Variants in CCDC158 observed in about 807,000 individuals in gnomAD.
CCDC158 encodes coiled-coil domain containing 158.
Under a neutral mutation model 138.6 loss-of-function variants are expected in CCDC158, and 116 were observed. That is an observed-to-expected ratio of 0.84 (90% confidence interval 0.72 to 0.98). The LOEUF is 0.98. CCDC158 is among the 50% of genes least tolerant of loss of function. The pLI is 0.00. For synonymous variants in CCDC158, 436 were observed against 442.4 expected (o/e 0.99, Z 0.18); for missense variants, 1,265 against 1,306.1 (o/e 0.97, Z 0.48).
chr4:76,398,411 A>G (rs554060608), intron 3 of CCDC158, among the ~76,000 whole-genome samples: 210 of 152,330 alleles, frequency 1.4e-3, no homozygotes, highest in African/African-American at 4.8e-3. Flanking sequence ...TCATGGCTGT[A>G]ATCCTAGCAC....
At chr4:76,413,375 C>T (rs565667143) in intron 1 of CCDC158, among the ~76,000 whole-genome samples, 8 of 148,768 alleles carry the variant, frequency 5.4e-5, no homozygotes, top group South Asian at 2.1e-4. Flanking sequence ...CTCAGGAGGC[C>T]GAGGTGGGAG....
At chr4:76,392,575 G>T (rs1475390314) in intron 4 of CCDC158, among the ~76,000 whole-genome samples, 2 of 151,942 alleles carry the variant, frequency 1.3e-5, no homozygotes, top group African/African-American at 2.4e-5. Flanking sequence ...GTAAGATCTG[G>T]AACATGACAA....
chr4:76,360,547 C>T (rs746090078), intron 13 of CCDC158, among the ~76,000 whole-genome samples: 1 of 152,202 alleles, frequency 6.6e-6, no homozygotes, highest in African/African-American at 2.4e-5. Flanking sequence ...GAAGCCCACC[C>T]CTTACATCAG....
chr4:76,362,186 CTT>C lies in CCDC158; in HGVS notation c.1958_1959del (p.Gln653ArgfsTer8), dbSNP rs763976793. On this transcript the variant is annotated frameshift_variant, in exon 13 of 25. Coordinates refer to ENST00000682701, the MANE Select transcript of CCDC158 (RefSeq NM_001394954.1). LOFTEE classifies it high-confidence loss of function. Reference protein sequence around the residue: ...ERLRAVKDIKQERDQLLNEVK... With the variant: ...ERLRAVKDIKXERDQLLNEVK... ...ACCTCATTTAATAATTGATCTCTCT[CTT>C]GTTTGATGTCCTTCACTGCACGGAG... 40 of 1,614,018 alleles carry C rather than the reference CTT, an allele frequency of 2.5e-5. No individual in the cohort carries two copies. The highest frequency in any genetic ancestry group is 3.2e-5 in the Non-Finnish European group (38 of 1,180,018).
At chr4:76,354,233 CAAAAAAA>C (rs749565764) in intron 15 of CCDC158, among the ~76,000 whole-genome samples, 3 of 63,922 alleles carry the variant, frequency 4.7e-5, no homozygotes, top group African/African-American at 1.2e-4. Flanking sequence ...TTCCCAAAGG[CAAAAAAA>C]AAAAAAAAAA....
At chr4:76,371,650 T>A in intron 9 of CCDC158, 114 bp from the exon 10 acceptor site, 3 of 1,311,810 alleles carry the variant, frequency 2.3e-6, no homozygotes, top group Non-Finnish European at 3.1e-6. Context: ...TAAAAGTTCG[T>A]TGTGAGGCTG....
chr4:76,379,455 G>C, intron 8 of CCDC158, 51 bp from the exon 9 acceptor site: 6 of 1,057,732 alleles, frequency 5.7e-6, no homozygotes, highest in Non-Finnish European at 8.3e-6. Context: ...CTAAGAATAA[G>C]AGTAACACCT....
chr4:76,364,199 A>G (rs1724428712), intron 12 of CCDC158, among the ~76,000 whole-genome samples: 1 of 152,176 alleles, frequency 6.6e-6, no homozygotes, highest in African/African-American at 2.4e-5. Context: ...CAAAGTCACC[A>G]TGTCTTTCCC....
At position 76,384,316 on chromosome 4, in the gene CCDC158, T is replaced by C. The variant is rs1279972272; in HGVS notation, c.498A>G (p.Lys166=). The change falls in exon 6 of 25, where the codon AAA becomes AAG. Residue 166 remains lysine, a synonymous_variant. Coordinates refer to ENST00000682701, the MANE Select transcript of CCDC158 (RefSeq NM_001394954.1). ...AAKCLKEDML[K]DSNTQIEQLR... ...GTTGCTCTATCTGTGTGTTGCTGTCTTTCAGCATGTCCTCTTTAAGGCATT... is the reference window on the plus strand; with the variant it reads ...GTTGCTCTATCTGTGTGTTGCTGTCCTTCAGCATGTCCTCTTTAAGGCATT... 1.9e-6 allele frequency: 3 copies of C among 1,614,018 alleles called. No individual in the cohort carries two copies. The highest frequency in any genetic ancestry group is 1.3e-5 in the African/African-American group (1 of 74,928).
At position 76,369,587 on chromosome 4, in the gene CCDC158, C is replaced by T; in HGVS notation, c.1186G>A (p.Glu396Lys). The T allele has an allele frequency of 1.2e-6, 2 of 1,614,170 alleles. No homozygotes were observed. Among genetic ancestry groups the T allele is most frequent in the Non-Finnish European group, 1.7e-6 (2 of 1,180,026 alleles). The change falls in exon 11 of 25, where the codon GAG becomes AAG. Residue 396 changes from glutamate to lysine, a missense_variant. Glu to Lys is a moderately conservative substitution (Grantham distance 56). Transcript: ENST00000682701. ...CACAGACGCTTATTCTGCTCCTTCT[C>T]CAGACTCAGCTCCTTCTCCCTTTTG... ...LHKREKELSL[E>K]KEQNKRLWDR... is the part of the protein sequence containing the mutation.
chr4:76,375,698 G>A, intron 9 of CCDC158: 1 of 693,670 alleles, frequency 1.4e-6, no homozygotes, highest in Non-Finnish European at 2.6e-6. Context: ...GAATTCTGGA[G>A]GTTCTCCTAA....
chr4:76,313,297 AT>A (rs1183074563), intron 24 of CCDC158, 51 bp from the exon 25 acceptor site: 1 of 1,102,062 alleles, frequency 9.1e-7, no homozygotes, highest in South Asian at 1.3e-5. Flanking sequence ...TTAGGCTTTA[AT>A]TCTACTATGT....
At chr4:76,399,736 T>C (rs1368536556) in intron 3 of CCDC158, among the ~76,000 whole-genome samples, 1 of 152,140 alleles carries the variant, frequency 6.6e-6, no homozygotes, top group East Asian at 1.9e-4. Flanking sequence ...GTTATATGTA[T>C]TTGTTAGTGT....
chr4:76,324,703 A>G (rs1214973535), intron 23 of CCDC158, among the ~76,000 whole-genome samples: 1 of 152,036 alleles, frequency 6.6e-6, no homozygotes. Context: ...TGCCAAGTTG[A>G]CTTCTGATTA....
chr4:76,353,889 T>A (rs1427049358), intron 15 of CCDC158, among the ~76,000 whole-genome samples: 4 of 152,194 alleles, frequency 2.6e-5, no homozygotes, highest in Non-Finnish European at 5.9e-5. Context: ...ACAAAAATAA[T>A]AAATGTATAG....
At chr4:76,315,958 G>T (rs1209501372) in intron 24 of CCDC158, among the ~76,000 whole-genome samples, 1 of 152,146 alleles carries the variant, frequency 6.6e-6, no homozygotes, top group Middle Eastern at 3.2e-3. Flanking sequence ...TGGGACAAAA[G>T]AATCTGAACC....
rs191637504 is a variant in CCDC158, at chr4:76,356,134, A to G, written c.2174-698T>C. ...CAGTCTGGCTATAACTTAGAGGTTA[A>G]AAAGAAAAATGAAAATATACCATTC... On this transcript the variant is annotated intron_variant, in intron 14 of 24. Coordinates refer to ENST00000682701, the MANE Select transcript of CCDC158 (RefSeq NM_001394954.1). 2.7e-3 allele frequency among the ~76,000 whole-genome samples: 418 copies of G among 152,308 alleles called. 2 individuals carry two copies. Among genetic ancestry groups the G allele is most frequent in the African/African-American group, 9.1e-3 (379 of 41,556 alleles).
intron 1 of CCDC158, among the ~76,000 whole-genome samples, chr4:76,415,984 C>T (rs976293745): frequency 2.7e-4 from 41 of 152,228 alleles, no homozygotes; most frequent in African/African-American, 3.4e-4. Context: ...GAGGCCTAAC[C>T]GTCTCCCTGT....
At chr4:76,393,390 G>A (rs1324417125) in intron 4 of CCDC158, among the ~76,000 whole-genome samples, 1 of 151,900 alleles carries the variant, frequency 6.6e-6, no homozygotes, top group African/African-American at 2.4e-5. Context: ...GGAAAAGACA[G>A]TCTTTTCAAT....
Sources: gnomAD v4.1 joint callset for allele counts (sites outside exome capture counted in the v4.1 genomes callset) on GRCh38, gnomAD v4.1.1 for gene constraint, MANE v1.5 for transcripts, NCBI Gene and HGNC (gene_info 2026-07-23, HGNC 2026-07-21) for gene names.